PIK3C2A: variants seen among roughly 807,000 people sequenced by gnomAD.
PIK3C2A encodes phosphatidylinositol 4-phosphate 3-kinase C2 domain-containing subunit alpha.
Under a neutral mutation model 204.5 loss-of-function variants are expected in PIK3C2A, and 97 were observed. The observed-to-expected ratio is 0.47, with a 90% CI of 0.40 to 0.56. The LOEUF (loss-of-function observed/expected upper bound fraction) is 0.56. PIK3C2A is among the 20% of genes least tolerant of loss of function. The probability of loss-of-function intolerance (pLI) is 0.00; values close to 1 mark genes in which losing one functional copy is unlikely to be tolerated. For synonymous variants in PIK3C2A, 653 were observed against 664.4 expected (o/e 0.98, Z 0.26); for missense variants, 1,735 against 1,969.2 (o/e 0.88, Z 2.25).
chr11:17,157,546 C>T (rs1850638171), intron 2 of PIK3C2A, among the ~76,000 whole-genome samples: 1 of 151,240 alleles, frequency 6.6e-6, no homozygotes, highest in African/African-American at 2.4e-5. Flanking sequence ...CAGATTAATA[C>T]TGTGGAATGT....
chr11:17,156,563 T>C (rs544399703), intron 2 of PIK3C2A, among the ~76,000 whole-genome samples: 88 of 152,184 alleles, frequency 5.8e-4, no homozygotes, highest in African/African-American at 2.0e-3. Flanking sequence ...TTGTATTTTT[T>C]GTAGAGTCGG....
intron 15 of PIK3C2A, among the ~76,000 whole-genome samples, chr11:17,121,266 C>T (rs1182734409): frequency 6.6e-6 from 1 of 151,430 alleles, no homozygotes; most frequent in Non-Finnish European, 1.5e-5. Context: ...TACAGATGCA[C>T]AACACTGTGC....
chr11:17,159,979 T>G (rs970537944), intron 2 of PIK3C2A, among the ~76,000 whole-genome samples: 3 of 152,200 alleles, frequency 2.0e-5, no homozygotes, highest in Non-Finnish European at 4.4e-5. Flanking sequence ...TGAGGCTCAC[T>G]CACATTAAGC....
At chr11:17,178,114 A>AAAAAAG (rs1851402044) in intron 1 of PIK3C2A, among the ~76,000 whole-genome samples, 31 of 73,234 alleles carry the variant, frequency 4.2e-4, no homozygotes, top group East Asian at 1.5e-3. Flanking sequence ...AAAAAAAAAG[A>AAAAAAG]AAAAAAAAAT....
At chr11:17,141,100 C>T (rs575916898) in intron 8 of PIK3C2A, among the ~76,000 whole-genome samples, 1 of 152,048 alleles carries the variant, frequency 6.6e-6, no homozygotes, top group Non-Finnish European at 1.5e-5. Flanking sequence ...CTGTGCGGAA[C>T]CTTGAAGCTA....
chr11:17,170,490 C>T (rs565396473), intron 1 of PIK3C2A, among the ~76,000 whole-genome samples: 84 of 152,286 alleles, frequency 5.5e-4, no homozygotes, highest in African/African-American at 1.9e-3. Context: ...GTTTTAATTA[C>T]ATTTCTATTC....
At chr11:17,103,331 T>A (rs899803027) in intron 23 of PIK3C2A, among the ~76,000 whole-genome samples, 1 of 152,142 alleles carries the variant, frequency 6.6e-6, no homozygotes, top group Non-Finnish European at 1.5e-5. Flanking sequence ...CTGTGTGTCA[T>A]CTTAAGTCCT....
intron 8 of PIK3C2A, among the ~76,000 whole-genome samples, chr11:17,143,734 C>T (rs1043969243): frequency 2.0e-5 from 3 of 151,774 alleles, no homozygotes; most frequent in African/African-American, 7.3e-5. Flanking sequence ...GTCAGGAGTT[C>T]GAAACCAGCC....
chr11:17,164,259 G>C (rs1168513323), intron 2 of PIK3C2A, among the ~76,000 whole-genome samples: 1 of 150,470 alleles, frequency 6.6e-6, no homozygotes, highest in Non-Finnish European at 1.5e-5. Flanking sequence ...GGCTGCATTA[G>C]AAGAATCACT....
In PIK3C2A at chr11:17,147,554, A is replaced by G. The variant is rs1481608907; in HGVS notation, c.1523T>C (p.Leu508Ser). The G allele has an allele frequency of 2.5e-6, 4 of 1,611,898 alleles. No homozygotes were observed. In the East Asian group the frequency reaches 6.7e-5, roughly 27 times the overall value. ...KWDTEIRLQL[L>S]TFSAMCQNLA... is the part of the protein sequence containing the mutation. ...ATTTTGACACATTGCACTGAAGGTC[A>G]AGAGTTGTAGTCTAATTTCTGTGTC... The change falls in exon 6 of 33, where the codon TTG (leucine) becomes TCG (serine). Residue 508 changes from leucine to serine, a missense_variant. Leu to Ser is a moderately radical substitution (Grantham distance 145). Around this residue, in one of 6 missense-constraint regions of PIK3C2A, gnomAD observed 106 missense variants for 108.2 expected, o/e 0.98. Transcript: ENST00000691414.
Position 17,089,922 on chromosome 11 carries a change from T to A in PIK3C2A, c.4879-2A>T. Reference sequence around the variant, plus strand: ...TTTGCTATATCCACTGTATACAAGCTACAACAAAGGAAAAAAGAACAGTAA... The same window carrying A: ...TTTGCTATATCCACTGTATACAAGCAACAACAAAGGAAAAAAGAACAGTAA... On this transcript the variant is annotated splice_acceptor_variant, in intron 32 of 32. Coordinates refer to ENST00000691414, the MANE Select transcript of PIK3C2A (RefSeq NM_002645.4). LOFTEE classifies it high-confidence loss of function. 6.5e-7 allele frequency: 1 copy of A among 1,544,178 alleles called. No individual in the cohort carries two copies. The highest frequency in any genetic ancestry group is 8.8e-7 in the Non-Finnish European group (1 of 1,141,450).
At chr11:17,130,806 CAA>C (rs1224352745) in intron 12 of PIK3C2A, among the ~76,000 whole-genome samples, 11 of 54,680 alleles carry the variant, frequency 2.0e-4, no homozygotes, top group East Asian at 1.0e-3. Context: ...GACTCCATCT[CAA>C]AAAAAAAAAA....
chr11:17,193,940 ACT>A (rs1264850858), intron 1 of PIK3C2A: 2 of 320,978 alleles, frequency 6.2e-6, no homozygotes, highest in African/African-American at 4.4e-5. Context: ...CAAAGATATG[ACT>A]CTCTCAAGGG....
At chr11:17,155,882 C>T (rs984751881) in intron 2 of PIK3C2A, among the ~76,000 whole-genome samples, 2 of 152,100 alleles carry the variant, frequency 1.3e-5, no homozygotes, top group Non-Finnish European at 2.9e-5. Flanking sequence ...GAATGGAATG[C>T]TAAAGACCTT....
chr11:17,116,880 C>T (rs754733551), intron 19 of PIK3C2A, among the ~76,000 whole-genome samples: 29 of 152,168 alleles, frequency 1.9e-4, no homozygotes, highest in African/African-American at 4.6e-4. Context: ...TGAGCCACCA[C>T]GCCTGGCCAG....
intron 4 of PIK3C2A, 78 bp downstream of exon 4, chr11:17,150,420 A>G: frequency 7.7e-7 from 1 of 1,304,668 alleles, no homozygotes; most frequent in Non-Finnish European, 1.0e-6. Context: ...TGGTTTATTA[A>G]AAGAATGATA....
chr11:17,111,429 A>AC (rs999924381), intron 21 of PIK3C2A, among the ~76,000 whole-genome samples: 1 of 152,124 alleles, frequency 6.6e-6, no homozygotes, highest in Non-Finnish European at 1.5e-5. Flanking sequence ...AAAAAAATTA[A>AC]CCCCCCAAAA....
chr11:17,162,354 A>C (rs1056910557), intron 2 of PIK3C2A, among the ~76,000 whole-genome samples: 6 of 151,814 alleles, frequency 4.0e-5, no homozygotes, highest in African/African-American at 4.8e-5. Context: ...AAAAAAAACA[A>C]AAACAAAAAC....
chr11:17,134,768 T>G (rs376797316), intron 11 of PIK3C2A, 51 bp downstream of exon 11: 16 of 1,379,696 alleles, frequency 1.2e-5, no homozygotes, highest in Non-Finnish European at 1.4e-5. Flanking sequence ...CACAAAGCCT[T>G]GGGATTACAG....
Sources: allele counts gnomAD v4.1 joint callset (sites outside exome capture counted in the v4.1 genomes callset), GRCh38; gene constraint gnomAD v4.1.1; regional missense constraint gnomAD v4.1.1; transcripts MANE v1.5; gene names NCBI Gene and HGNC (gene_info 2026-07-23, HGNC 2026-07-21).